PGC: variants seen among roughly 807,000 people sequenced by gnomAD.
The protein encoded by PGC is progastricsin.
In PGC, 31 loss-of-function variants were observed where a neutral mutation model predicts 45.9. The ratio of observed to expected loss-of-function variants is 0.67; its 90% CI spans 0.51 to 0.91. The LOEUF is 0.91. Among genes scored for constraint, PGC ranks in the 40% least tolerant of loss-of-function variants. The pLI, the probability that PGC is intolerant of heterozygous loss-of-function variation, is 0.00. For synonymous variants in PGC, 192 were observed against 201.8 expected, an observed-to-expected ratio of 0.95 and a Z score of 0.41; for missense variants, 477 against 493.2, an observed-to-expected ratio of 0.97 and a Z score of 0.31.
intron 4 of PGC, 118 bp from the exon 5 acceptor site, chr6:41,742,607 T>A: frequency 1.4e-6 from 1 of 736,768 alleles, no homozygotes; most frequent in Admixed American, 2.4e-5. Context: ...CCCCTTCTTT[T>A]TTGTTTTGGT....
At chr6:41,737,612 T>A (rs1020525570) in intron 8 of PGC, 118 bp downstream of exon 8, 8 of 626,960 alleles carry the variant, frequency 1.3e-5, no homozygotes, top group Admixed American at 8.1e-5. Context: ...GGAAGATAAA[T>A]GAGTACAAGC....
chr6:41,737,776 A>G lies in PGC; in HGVS notation c.968T>C (p.Ile323Thr). 6.2e-7 allele frequency: 1 copy of G among 1,612,814 alleles called. No individual in the cohort carries two copies. The highest frequency in any genetic ancestry group is 8.5e-7 in the Non-Finnish European group (1 of 1,178,864). Reference sequence around the variant, plus strand: ...TGGCAGAGGGAACTCCACACCATTGATGATGAAGGTCAAGCTGGGCAGATT... The same window carrying G: ...TGGCAGAGGGAACTCCACACCATTGGTGATGAAGGTCAAGCTGGGCAGATT... ...IQNLPSLTFI[I>T]NGVEFPLPPS... Residue 323 changes from isoleucine (I) to threonine (T), a missense_variant, in exon 8 of 9, where the codon ATC becomes ACC. By Grantham distance (89) the Ile-to-Thr change is moderately conservative. Coordinates refer to ENST00000373025, the MANE Select transcript of PGC (RefSeq NM_002630.4).
chr6:41,740,693 C>G, intron 5 of PGC, 83 bp from the exon 6 acceptor site: 2 of 1,508,368 alleles, frequency 1.3e-6, no homozygotes, highest in South Asian at 1.3e-5. Flanking sequence ...CACAGGGAAA[C>G]AGAGCTCCTT....
chr6:41,747,198 C>T, intron 1 of PGC, 78 bp downstream of exon 1: 1 of 1,220,816 alleles, frequency 8.2e-7, no homozygotes, highest in Non-Finnish European at 1.2e-6. Context: ...GCAGGGTGTC[C>T]CCTGGCCCAG....
chr6:41,743,601 C>T (rs1430373407), intron 3 of PGC, among the ~76,000 whole-genome samples: 1 of 152,216 alleles, frequency 6.6e-6, no homozygotes, highest in African/African-American at 2.4e-5. Flanking sequence ...CTTACAGAAT[C>T]TTGGGATGCC....
At chr6:41,741,172 A>T (rs1561881172) in intron 5 of PGC, 3 of 1,534,450 alleles carry the variant, frequency 2.0e-6, no homozygotes, top group Middle Eastern at 3.3e-4. Context: ...AGGATATTCC[A>T]TGTTTGTTCC....
intron 6 of PGC, among the ~76,000 whole-genome samples, 178 bp from the exon 7 acceptor site, chr6:41,740,124 G>C (rs184160071): frequency 1.3e-5 from 2 of 152,208 alleles, no homozygotes; most frequent in African/African-American, 4.8e-5. Context: ...GTCCTTAAAA[G>C]TGTCAAGGAA....
chr6:41,736,944 G>T lies in PGC; in HGVS notation c.1075C>A (p.Pro359Thr). ...AAGACATCCCCGAGGATCCACAGGG[G>T]CTGGCCGTTCTGGGAGGACAGGTAG... ...PTYLSSQNGQ[P>T]LWILGDVFLR... The change falls in exon 9 of 9, where the codon CCC (proline) becomes ACC (threonine). Residue 359 changes from proline (P) to threonine (T), a missense_variant. Physicochemically the swap from Pro to Thr is conservative, Grantham distance 38. Coordinates refer to ENST00000373025, the MANE Select transcript of PGC (RefSeq NM_002630.4). The T allele has an allele frequency of 6.2e-7, 1 of 1,614,064 alleles. No individual in the cohort carries two copies. The highest frequency in any genetic ancestry group is 8.5e-7 in the Non-Finnish European group (1 of 1,179,916).
rs887693957 is a variant in PGC, at chr6:41,740,004, G to A, written c.768-58C>T. The A allele has an allele frequency of 3.9e-6, 6 of 1,522,412 alleles. No individual in the cohort carries two copies. In the Admixed American group the frequency reaches 5.6e-5, roughly 14 times the overall value. The allele number at this position is 1,522,412 out of a possible 1,614,324, so 94.3% of individuals were successfully genotyped here. ...TCCCCCAGTTCAGGGCAGCTGGGGCGGGCTTTCCCCACCACTGTGGGACAA... is the reference window on the plus strand; with the variant it reads ...TCCCCCAGTTCAGGGCAGCTGGGGCAGGCTTTCCCCACCACTGTGGGACAA... On this transcript the variant is annotated intron_variant, in intron 6 of 8. Transcript: ENST00000373025.
intron 7 of PGC, among the ~76,000 whole-genome samples, chr6:41,738,192 ATATATATATG>A (rs1771740169): frequency 5.5e-5 from 1 of 18,068 alleles, no homozygotes; most frequent in African/African-American, 9.9e-5. Flanking sequence ...ATATATATGC[ATATATATATG>A]CATATATATA....
At chr6:41,738,215 C>CATATATATGCATATATATACGT (rs1771746072) in intron 7 of PGC, among the ~76,000 whole-genome samples, 2 of 13,690 alleles carry the variant, frequency 1.5e-4, no homozygotes, top group African/African-American at 3.4e-4. Flanking sequence ...TATATATATG[C>CATATATATGCATATATATACGT]ATATATATAT....
intron 7 of PGC, 92 bp from the exon 8 acceptor site, chr6:41,737,920 C>A: frequency 1.3e-6 from 1 of 753,598 alleles, no homozygotes; most frequent in Middle Eastern, 2.3e-4. Flanking sequence ...CAGGCCTGAG[C>A]TCCGGGCCCA....
rs1561879677 is a variant in PGC, at chr6:41,738,163, TATGCATATATATATAC to T, written c.916-351_916-336del. 7.6e-3 allele frequency among the ~76,000 whole-genome samples: 534 copies of T among 70,292 alleles called. 57 individuals are homozygous for T. Among genetic ancestry groups the T allele is most frequent in the African/African-American group, 0.029 (521 of 18,212 alleles). The allele number at this position is 70,292 out of a possible 152,430, so 46.1% of individuals were successfully genotyped here. A position where few individuals can be genotyped will look rare whatever the true frequency, so the allele number is the denominator to read the frequency against. ...ATATATGCATATATATATACATATATATGCATATATATATACATATATATATGCATATATATATGCA... is the reference window on the plus strand; with the variant it reads ...ATATATGCATATATATATACATATATATATATATATGCATATATATATGCA... On this transcript the variant is annotated intron_variant, in intron 7 of 8. Coordinates refer to ENST00000373025, the MANE Select transcript of PGC (RefSeq NM_002630.4).
At position 41,744,661 on chromosome 6, in the gene PGC, C is replaced by T; in HGVS notation, c.207G>A (p.Met69Ile). The T allele has an allele frequency of 6.2e-7, 1 of 1,614,092 alleles. No individual in the cohort carries two copies. The highest frequency in any genetic ancestry group is 1.7e-5 in the Admixed American group (1 of 60,016). The change falls in exon 2 of 9, where the codon ATG (methionine) becomes ATA (isoleucine). Residue 69 changes from methionine to isoleucine, a missense_variant. By Grantham distance (10) the Met-to-Ile change is conservative (BLOSUM62 1). Transcript: ENST00000373025. This position sits in a 1 kb window ranked among gnomAD's most constrained non-coding sequence, Gnocchi z 4.4. ...LSVTYEPMAY[M>I]DAAYFGEISI... ...GCCAGAAAGGGTCAGGACTCACATC[C>T]ATGTAGGCCATGGGCTCGTAGGTCA...
chr6:41,737,109 G>T, intron 8 of PGC, 105 bp from the exon 9 acceptor site: 1 of 1,160,972 alleles, frequency 8.6e-7, no homozygotes, highest in Non-Finnish European at 1.2e-6. Flanking sequence ...AGCTGAGGGA[G>T]CCAGGGTCTC....
rs1302318309 is a variant in PGC at position 41,744,506 on chromosome 6, GT to G, written c.218del (p.Tyr73SerfsTer76). The part of the protein sequence containing the change: ...YEPMAYMDAA[Y>X]FGEISIGTPP... ...GAGTCCCGATGCTGATCTCACCAAA[GT>G]AGGCAGCCTGGGGGCCATGGAGCAA... is the stretch of plus-strand genomic sequence containing the variant. On this transcript the variant is annotated frameshift_variant, in exon 3 of 9. Coordinates refer to ENST00000373025, the MANE Select transcript of PGC (RefSeq NM_002630.4). LOFTEE classifies it high-confidence loss of function. This position sits in a 1 kb window ranked among gnomAD's most constrained non-coding sequence, Gnocchi z 4.4. The G allele has an allele frequency of 9.3e-6, 15 of 1,612,778 alleles. No homozygotes were observed. The highest frequency in any genetic ancestry group is 1.3e-5 in the Non-Finnish European group (15 of 1,179,028).
intron 7 of PGC, among the ~76,000 whole-genome samples, chr6:41,739,376 C>T (rs947386659): frequency 1.3e-5 from 2 of 152,218 alleles, no homozygotes; most frequent in Non-Finnish European, 2.9e-5. Flanking sequence ...GGTCCCCCTG[C>T]CTCCAGCGCC....
In PGC at chr6:41,739,865, A is replaced by G. The variant is rs1185104935; in HGVS notation, c.849T>C (p.Thr283=). 6.2e-7 allele frequency: 1 copy of G among 1,613,958 alleles called. No homozygotes were observed. Among genetic ancestry groups the G allele is most frequent in the Non-Finnish European group, 8.5e-7 (1 of 1,179,984 alleles). Residue 283 remains threonine, a synonymous_variant, in exon 7 of 9, where the codon ACT becomes ACC. Transcript: ENST00000373025. The part of the protein sequence containing the change: ...AIVDTGTSLL[T]VPQQYMSALL... The stretch of plus-strand genomic sequence containing the variant: ...GAGCACTCATGTACTGCTGGGGCAC[A>G]GTGAGCAGAGAGGTGCCTGTGTCCA...
chr6:41,740,857 C>T (rs1372689674), intron 5 of PGC: 1 of 1,432,174 alleles, frequency 7.0e-7, no homozygotes, highest in East Asian at 2.5e-5. Flanking sequence ...GTCTGTGTCT[C>T]CCTCAGACTG....
Sources: gnomAD v4.1 joint callset for allele counts (sites outside exome capture counted in the v4.1 genomes callset) on GRCh38, gnomAD v4.1.1 for gene constraint, Gnocchi (gnomAD v3.1) non-coding constraint, MANE v1.5 for transcripts, NCBI Gene and HGNC (gene_info 2026-07-23, HGNC 2026-07-21) for gene names.